Variants in LMLN observed in about 807,000 individuals in gnomAD.
LMLN encodes leishmanolysin-like peptidase.
Under a neutral mutation model 92.3 loss-of-function variants are expected in LMLN, and 70 were observed. The observed-to-expected ratio is 0.76, with a 90% CI of 0.63 to 0.92. The LOEUF is 0.92. Ranked by LOEUF, LMLN falls within the 40% of genes least tolerant of loss-of-function variation. The pLI, the probability that LMLN is intolerant of heterozygous loss-of-function variation, is 0.00. For synonymous variants in LMLN, 308 were observed against 296.2 expected, an observed-to-expected ratio of 1.04 and a Z score of -0.41; for missense variants, 691 against 814.6, an observed-to-expected ratio of 0.85 and a Z score of 1.85.
At chr3:198,043,599 T>G (rs192972823) in exon 16 of LMLN, 3 of 152,748 alleles carry the variant, frequency 2.0e-5, no homozygotes, top group East Asian at 3.9e-4. Context: ...ATGGAGTGGT[T>G]GTTTTATGTT....
chr3:197,973,789 G>T (rs185930536), intron 1 of LMLN, among the ~76,000 whole-genome samples: 1 of 152,284 alleles, frequency 6.6e-6, no homozygotes, highest in Admixed American at 6.5e-5. Context: ...AAATGTGGTT[G>T]TCCATTGCTG....
rs557147136 is a variant in LMLN at position 198,031,041 on chromosome 3, G to A, written c.1657-4792G>A. Among the ~76,000 whole-genome samples, 7 of 152,230 alleles carry A rather than the reference G, an allele frequency of 4.6e-5. No individual in the cohort carries two copies. In the South Asian group the frequency reaches 1.2e-3, roughly 27 times the overall value. Reference sequence around the variant, plus strand: ...AGGCGGGACCTCACCTCTGCCCTCAGGGTCCTCAGCTAGGCCTGAGAATGA... The same window carrying A: ...AGGCGGGACCTCACCTCTGCCCTCAAGGTCCTCAGCTAGGCCTGAGAATGA... On this transcript the variant is annotated intron_variant, in intron 14 of 15. Transcript: ENST00000330198. The surrounding 1 kb of genome is among the most constrained non-coding windows in gnomAD (Gnocchi z 4.8).
At chr3:197,967,154 A>G (rs963915822) in intron 1 of LMLN, among the ~76,000 whole-genome samples, 1 of 152,084 alleles carries the variant, frequency 6.6e-6, no homozygotes, top group Non-Finnish European at 1.5e-5. Context: ...TTTAAATTTT[A>G]TATTTATGGT....
chr3:198,017,396 TTGAG>T (rs995096595), intron 11 of LMLN, among the ~76,000 whole-genome samples: 6 of 152,148 alleles, frequency 3.9e-5, no homozygotes, highest in African/African-American at 1.4e-4. Context: ...AAGGGATTGG[TTGAG>T]TGAGCGTAGG....
chr3:197,978,201 A>G (rs1253280120), intron 5 of LMLN, among the ~76,000 whole-genome samples: 1 of 152,246 alleles, frequency 6.6e-6, no homozygotes, highest in Non-Finnish European at 1.5e-5. Flanking sequence ...AAGTATACAC[A>G]CGTTAATTCT....
At chr3:198,024,506 T>C (rs1260536361) in intron 13 of LMLN, 152 bp from the exon 15 acceptor site, 16 of 631,818 alleles carry the variant, frequency 2.5e-5, no homozygotes, top group South Asian at 5.2e-5. Context: ...TGAGCCACCG[T>C]GCCCAGCCTA....
chr3:197,964,706 T>C (rs1377329457), intron 1 of LMLN, among the ~76,000 whole-genome samples: 4 of 151,418 alleles, frequency 2.6e-5, no homozygotes, highest in Non-Finnish European at 5.9e-5. Context: ...CTAAAAAAGT[T>C]TTTTAAGAGA....
At chr3:197,978,907 T>G (rs1721477626) in intron 5 of LMLN, among the ~76,000 whole-genome samples, 1 of 152,018 alleles carries the variant, frequency 6.6e-6, no homozygotes, top group Non-Finnish European at 1.5e-5. Flanking sequence ...AGGAGAAGCT[T>G]GAACCCTGGA....
Position 197,990,612 on chromosome 3 carries a change from G to A in LMLN, c.983G>A (p.Trp328Ter), listed in dbSNP as rs1721837959. Residue 328 changes from tryptophan to a stop codon, truncating the protein, a stop_gained, in exon 9 of 16, where the codon TGG becomes TAG. Transcript: ENST00000330198. LOFTEE classifies it high-confidence loss of function. ...GTAGTTCGAAAAGTGGAGAGATTAT[G>A]GGATGTTCGAGATAATAAGATAGTT... 6.2e-7 allele frequency: 1 copy of A among 1,604,080 alleles called. No homozygotes were observed. Among genetic ancestry groups the A allele is most frequent in the African/African-American group, 1.3e-5 (1 of 74,708 alleles).
At position 198,019,440 on chromosome 3, in the gene LMLN, A is replaced by C; in HGVS notation, c.1365+55A>C. On this transcript the variant is annotated intron_variant, in intron 12 of 15. Coordinates refer to ENST00000330198, the Ensembl canonical transcript of LMLN. This position sits in a 1 kb window ranked among gnomAD's most constrained non-coding sequence, Gnocchi z 5.5. ...AATCAGCTTTTCAAAAGTAGTCTCC[A>C]TTTTAACTAAAAGAGTAAATTCTCT... 1 of 1,511,340 alleles carries C rather than the reference A, an allele frequency of 6.6e-7. No individual in the cohort carries two copies. The highest frequency in any genetic ancestry group is 8.9e-7 in the Non-Finnish European group (1 of 1,120,232). 93.6% of individuals were successfully genotyped at this position (1,511,340 alleles called of 1,614,324 possible).
chr3:198,007,789 C>G (rs138261556), intron 11 of LMLN, among the ~76,000 whole-genome samples: 102 of 152,274 alleles, frequency 6.7e-4, no homozygotes, highest in African/African-American at 2.4e-3. Flanking sequence ...GACATTTTTA[C>G]TGTGTTGAGT....
At chr3:198,014,223 T>G (rs1722546839) in intron 11 of LMLN, among the ~76,000 whole-genome samples, 1 of 148,946 alleles carries the variant, frequency 6.7e-6, no homozygotes, top group Admixed American at 6.6e-5. Flanking sequence ...GCCCCTTAAC[T>G]AGTCTGACTT....
chr3:198,014,746 C>G (rs1722570319), intron 11 of LMLN, among the ~76,000 whole-genome samples: 1 of 142,004 alleles, frequency 7.0e-6, no homozygotes, highest in Non-Finnish European at 1.5e-5. Flanking sequence ...CCTAACTAGT[C>G]TGACTTCTCT....
At chr3:198,034,720 C>G (rs1006203183) in intron 14 of LMLN, among the ~76,000 whole-genome samples, 2 of 152,298 alleles carry the variant, frequency 1.3e-5, no homozygotes, top group East Asian at 1.9e-4. Context: ...TTAGCTATCA[C>G]GTGCAAATGA....
chr3:198,018,040 C>A (rs1232188467), intron 11 of LMLN, among the ~76,000 whole-genome samples: 2 of 152,216 alleles, frequency 1.3e-5, no homozygotes, highest in Non-Finnish European at 2.9e-5. Flanking sequence ...CAGTGCTTCT[C>A]TGGAATTTGT....
chr3:198,024,301 C>T (rs565779770), intron 13 of LMLN, among the ~76,000 whole-genome samples: 165 of 151,312 alleles, frequency 1.1e-3, no homozygotes, highest in Admixed American at 1.8e-3. Flanking sequence ...CTGCAAGCTC[C>T]GCCTCCCGGG....
At chr3:197,976,478 C>T in intron 4 of LMLN, 120 bp from the exon 5 acceptor site, 1 of 580,344 alleles carries the variant, frequency 1.7e-6, no homozygotes, top group Non-Finnish European at 3.0e-6. Flanking sequence ...ACTTTCCTGA[C>T]TAAAATAGTA....
At position 198,042,416 on chromosome 3, in the gene LMLN, C is replaced by G. The variant is rs1206970426; in HGVS notation, c.*3749C>G. The G allele has an allele frequency of 6.6e-6, 1 of 152,052 alleles. No homozygotes were observed. Among genetic ancestry groups the G allele is most frequent in the African/African-American group, 2.4e-5 (1 of 41,400 alleles). 9.4% of individuals were successfully genotyped at this position (152,052 alleles called of 1,614,324 possible). ...AAAAAAAAAATGACAGTGAAGCAGA[C>G]TTTTAGAATCCGAGATGTCATTGCA... On this transcript the variant is annotated 3_prime_UTR_variant, in exon 16 of 16. Coordinates refer to ENST00000330198, the Ensembl canonical transcript of LMLN. The surrounding 1 kb of genome is among the most constrained non-coding windows in gnomAD (Gnocchi z 4.2).
chr3:197,999,447 A>G, intron 11 of LMLN, 105 bp downstream of exon 11: 1 of 726,748 alleles, frequency 1.4e-6, no homozygotes, highest in East Asian at 2.6e-5. Context: ...AGCAAAATAT[A>G]CTTATTAATT....
Sources: allele counts gnomAD v4.1 joint callset (sites outside exome capture counted in the v4.1 genomes callset), GRCh38; gene constraint gnomAD v4.1.1; non-coding constraint Gnocchi (gnomAD v3.1); transcripts MANE v1.5; gene names NCBI Gene and HGNC (gene_info 2026-07-23, HGNC 2026-07-21).